Variants in IP6K2 observed in about 807,000 individuals in gnomAD.
The protein encoded by IP6K2 is ATP:1D-myo-inositol-hexakisphosphate phosphotransferase.
A neutral mutation model predicts 43.3 loss-of-function variants in IP6K2; 9 were observed. The observed-to-expected ratio is 0.21, with a 90% CI of 0.13 to 0.36. The LOEUF (loss-of-function observed/expected upper bound fraction) is 0.36. IP6K2 is among the 10% of genes least tolerant of loss of function. The pLI is 1.00. For synonymous variants in IP6K2, 209 were observed against 202.4 expected, an observed-to-expected ratio of 1.03 and a Z score of -0.28; for missense variants, 332 against 538.4, an observed-to-expected ratio of 0.62 and a Z score of 3.79.
chr3:48,710,581 C>T (rs2080370307), intron 1 of IP6K2, among the ~76,000 whole-genome samples: 1 of 152,146 alleles, frequency 6.6e-6, no homozygotes, highest in South Asian at 2.1e-4. Flanking sequence ...CCAGGCCTCA[C>T]CTGCCCCAGT....
chr3:48,697,848 T>C (rs1332007731), intron 1 of IP6K2, among the ~76,000 whole-genome samples: 3 of 152,034 alleles, frequency 2.0e-5, no homozygotes, highest in Non-Finnish European at 4.4e-5. Context: ...CTAACTAATA[T>C]TTTCTATTTA....
chr3:48,716,459 T>C (rs1331270712), intron 1 of IP6K2: 2 of 152,200 alleles, frequency 1.3e-5, no homozygotes, highest in East Asian at 1.9e-4. Context: ...TTAGTTGATA[T>C]ATGAGAACGA....
At chr3:48,712,226 T>C (rs1199676542) in intron 1 of IP6K2, among the ~76,000 whole-genome samples, 1 of 150,470 alleles carries the variant, frequency 6.6e-6, no homozygotes, top group Non-Finnish European at 1.5e-5. Flanking sequence ...CGAGACCCTG[T>C]CTCTACAAAA....
At position 48,689,726 on chromosome 3, in the gene IP6K2, GAAT is replaced by G. The variant is rs1457391655; in HGVS notation, c.605-16_605-14del. The stretch of plus-strand genomic sequence containing the variant: ...AGTAAGATAAATTCTGAGTAGTTAA[GAAT>G]AATACCCCCAAAAGGAAGTGCTACT... On this transcript the variant is annotated splice_polypyrimidine_tract_variant and intron_variant, in intron 4 of 5. Coordinates refer to ENST00000328631, the MANE Select transcript of IP6K2 (RefSeq NM_016291.4). 4.3e-6 allele frequency: 7 copies of G among 1,611,408 alleles called. No individual in the cohort carries two copies. The highest frequency in any genetic ancestry group is 2.2e-5 in the East Asian group (1 of 44,870).
Position 48,688,896 on chromosome 3 carries a change from T to C in IP6K2, c.781-123A>G, listed in dbSNP as rs2106773068. On this transcript the variant is annotated intron_variant, in intron 5 of 5. Transcript: ENST00000328631. This position sits in a 1 kb window ranked among gnomAD's most constrained non-coding sequence, Gnocchi z 5.1. ...GCCCAGATCAGATAAAGTACACCAG[T>C]TGCACATGAGCCACTGTCCACTATG... 9.7e-7 allele frequency: 1 copy of C among 1,026,846 alleles called. No individual in the cohort carries two copies. The highest frequency in any genetic ancestry group is 1.4e-6 in the Non-Finnish European group (1 of 712,658). The allele number at this position is 1,026,846 out of a possible 1,614,324, so 63.6% of individuals were successfully genotyped here. A position where few individuals can be genotyped will look rare whatever the true frequency, so the allele number is the denominator to read the frequency against.
At chr3:48,715,235 T>G in intron 1 of IP6K2, 3 of 1,422,492 alleles carry the variant, frequency 2.1e-6, no homozygotes, top group Non-Finnish European at 2.9e-6. Flanking sequence ...ATTATCCCAC[T>G]AGGTGAAATA....
chr3:48,694,350 T>C, intron 2 of IP6K2: 1 of 1,546,470 alleles, frequency 6.5e-7, no homozygotes, highest in Non-Finnish European at 8.7e-7. Context: ...GTACATTCTG[T>C]CCTTAAAGAC....
chr3:48,703,260 T>C (rs1429778984), intron 1 of IP6K2, among the ~76,000 whole-genome samples: 1 of 152,192 alleles, frequency 6.6e-6, no homozygotes, highest in Non-Finnish European at 1.5e-5. Context: ...GACTAGTTAA[T>C]GAAGAATAAA....
chr3:48,698,066 G>T (rs774825838), intron 1 of IP6K2, among the ~76,000 whole-genome samples: 1 of 152,164 alleles, frequency 6.6e-6, no homozygotes, highest in Non-Finnish European at 1.5e-5. Context: ...GTATTGAGAA[G>T]AGTCCAGAAA....
chr3:48,709,905 G>C (rs1425401540), intron 1 of IP6K2, among the ~76,000 whole-genome samples: 2 of 151,608 alleles, frequency 1.3e-5, no homozygotes, highest in Non-Finnish European at 2.9e-5. Context: ...CTAATAAAGA[G>C]ACACCTGCCA....
At position 48,688,442 on chromosome 3, in the gene IP6K2, G is replaced by A; in HGVS notation, c.1112C>T (p.Pro371Leu). The A allele has an allele frequency of 6.2e-7, 1 of 1,614,196 alleles. No homozygotes were observed. Among genetic ancestry groups the A allele is most frequent in the Non-Finnish European group, 8.5e-7 (1 of 1,180,030 alleles). ...CACATCTACAGAGCTGGCGCCGATG[G>A]GTTTGTAGGCATAGGCACCAGCAGA... ...DESAGAYAYKPIGASSVDVRM... is the reference protein window; with the variant it reads ...DESAGAYAYKLIGASSVDVRM... Residue 371 changes from proline to leucine, a missense_variant, in exon 6 of 6, where the codon CCC becomes CTC. Pro to Leu is a moderately conservative substitution (Grantham distance 98). Transcript: ENST00000328631. This position sits in a 1 kb window ranked among gnomAD's most constrained non-coding sequence, Gnocchi z 5.1.
intron 1 of IP6K2, among the ~76,000 whole-genome samples, chr3:48,708,501 G>T (rs1002176069): frequency 6.6e-6 from 1 of 151,878 alleles, no homozygotes; most frequent in African/African-American, 2.4e-5. Context: ...CAAGTGCTAG[G>T]ATTACAAGGC....
At chr3:48,704,146 T>C (rs2079406666) in intron 1 of IP6K2, among the ~76,000 whole-genome samples, 1 of 152,116 alleles carries the variant, frequency 6.6e-6, no homozygotes, top group Non-Finnish European at 1.5e-5. Flanking sequence ...AAAAAGCATT[T>C]TTAGTAAAAT....
chr3:48,709,337 C>T (rs2080204378), intron 1 of IP6K2, among the ~76,000 whole-genome samples: 1 of 152,226 alleles, frequency 6.6e-6, no homozygotes, highest in Admixed American at 6.5e-5. Flanking sequence ...CTAGTTCCTG[C>T]GACCAAGGGA....
Position 48,695,037 on chromosome 3 carries a change from A to C in IP6K2, c.202+53T>G. 6.2e-7 allele frequency: 1 copy of C among 1,614,106 alleles called. No individual in the cohort carries two copies. The highest frequency in any genetic ancestry group is 8.5e-7 in the Non-Finnish European group (1 of 1,179,982). On this transcript the variant is annotated intron_variant, in intron 2 of 5. Coordinates refer to ENST00000328631, the MANE Select transcript of IP6K2 (RefSeq NM_016291.4). The surrounding 1 kb of genome is among the most constrained non-coding windows in gnomAD (Gnocchi z 4.6). The stretch of plus-strand genomic sequence containing the variant: ...GCTGCCAGGGCCTTCCATGGCCACG[A>C]TCTCTCACATCTCCTCGCCAGTGTG...
At chr3:48,715,618 G>A (rs2081102103) in intron 1 of IP6K2, 3 of 664,762 alleles carry the variant, frequency 4.5e-6, no homozygotes, top group Non-Finnish European at 7.5e-6. Flanking sequence ...CCCAGGCCCT[G>A]CATAAAAAAC....
intron 1 of IP6K2, chr3:48,715,451 C>T (rs2081086460): frequency 2.0e-6 from 3 of 1,535,916 alleles, no homozygotes; most frequent in Non-Finnish European, 2.6e-6. Context: ...AGTGGTTGCT[C>T]CTTCTTTCCT....
intron 1 of IP6K2, among the ~76,000 whole-genome samples, chr3:48,712,528 G>A (rs571443864): frequency 2.0e-5 from 3 of 151,922 alleles, no homozygotes; most frequent in Non-Finnish European, 4.4e-5. Context: ...TTACAGGCAT[G>A]AGCCACCATG....
At chr3:48,712,729 T>C (rs1184787359) in intron 1 of IP6K2, among the ~76,000 whole-genome samples, 2 of 150,542 alleles carry the variant, frequency 1.3e-5, no homozygotes, top group African/African-American at 2.4e-5. Flanking sequence ...AAAATTTGTA[T>C]GTGCAGGCCG....
Sources: gnomAD v4.1 joint callset for allele counts (sites outside exome capture counted in the v4.1 genomes callset) on GRCh38, gnomAD v4.1.1 for gene constraint, Gnocchi (gnomAD v3.1) non-coding constraint, MANE v1.5 for transcripts, NCBI Gene and HGNC (gene_info 2026-07-23, HGNC 2026-07-21) for gene names.